Variants in MAT2B observed in about 807,000 individuals in gnomAD.
MAT2B encodes methionine adenosyltransferase 2 subunit beta.
In MAT2B, 16 loss-of-function variants were observed where a neutral mutation model predicts 36.1. The ratio of observed to expected loss-of-function variants is 0.44; its 90% CI spans 0.30 to 0.67. MAT2B has a LOEUF of 0.67. Ranked by LOEUF, MAT2B falls within the 30% of genes least tolerant of loss-of-function variation. MAT2B has a pLI of 0.09. For missense variants in MAT2B, 332 were observed against 398.2 expected (o/e 0.83, Z 1.42); for synonymous variants, 148 against 136.9 (o/e 1.08, Z -0.57).
Position 163,518,275 on chromosome 5 carries a change from G to C in MAT2B, c.917G>C (p.Gly306Ala), listed in dbSNP as rs1760164592. 2 of 1,613,910 alleles carry C rather than the reference G, an allele frequency of 1.2e-6. No individual in the cohort carries two copies. Among genetic ancestry groups the C allele is most frequent in the Non-Finnish European group, 1.7e-6 (2 of 1,179,870 alleles). The stretch of plus-strand genomic sequence containing the variant: ...TCCAAATTGGAGACCTTGGGCATTG[G>C]CCAACGAACACCATTTCGAATTGGA... ...DCSKLETLGI[G>A]QRTPFRIGIK... Residue 306 changes from glycine (G) to alanine (A), a missense_variant, in exon 7 of 7, where the codon GGC becomes GCC. Coordinates refer to ENST00000321757, the MANE Select transcript of MAT2B (RefSeq NM_013283.5).
upstream of MAT2B, chr5:163,505,512 T>G: frequency 3.2e-6 from 4 of 1,238,520 alleles, no homozygotes; most frequent in Admixed American, 4.2e-5. Flanking sequence ...TTCTGGGGCG[T>G]CGGCGGAGCG....
chr5:163,507,160 G>A (rs1759961357), intron 1 of MAT2B, among the ~76,000 whole-genome samples: 1 of 152,302 alleles, frequency 6.6e-6, no homozygotes, highest in South Asian at 2.1e-4. Context: ...TTCCAAAAAC[G>A]ACAAGGTATT....
chr5:163,511,725 G>GT (rs1256906504), intron 1 of MAT2B, among the ~76,000 whole-genome samples: 7 of 151,686 alleles, frequency 4.6e-5, no homozygotes, highest in Non-Finnish European at 7.4e-5. Flanking sequence ...TATTTTTACT[G>GT]TTTTTTTGTA....
intron 4 of MAT2B, among the ~76,000 whole-genome samples, chr5:163,515,400 A>G (rs1280160771): frequency 6.6e-6 from 1 of 152,194 alleles, no homozygotes; most frequent in Admixed American, 6.5e-5. Context: ...TTTGTTTTAT[A>G]TGTTTGCTTT....
chr5:163,512,577 A>G lies in MAT2B; in HGVS notation c.258+381A>G, dbSNP rs528035521. On this transcript the variant is annotated intron_variant, in intron 2 of 6. Transcript: ENST00000321757. ...TATCATTGATACTATTCTCCCTTTG[A>G]CATGGATTTATTAGATATTTAAATC... is the stretch of plus-strand genomic sequence containing the variant. 1.3e-5 allele frequency: 5 copies of G among 389,848 alleles called. No homozygotes were observed. The East Asian group carries it at 2.9e-4, about 23-fold the overall frequency. The allele number at this position is 389,848 out of a possible 1,614,324, so 24.1% of individuals were successfully genotyped here.
intron 1 of MAT2B, among the ~76,000 whole-genome samples, chr5:163,507,814 C>T (rs1759970407): frequency 6.6e-6 from 1 of 152,148 alleles, no homozygotes; most frequent in South Asian, 2.1e-4. Context: ...ATTTGTTTGG[C>T]ATATTTTAAA....
chr5:163,503,420 A>G (rs776039678), upstream of MAT2B: 97 of 1,613,780 alleles, frequency 6.0e-5, no homozygotes, highest in Non-Finnish European at 8.1e-5. Context: ...GAGGACATGG[A>G]GCAGGTAAGA....
Position 163,513,974 on chromosome 5 carries a change from C to T in MAT2B, c.506C>T (p.Ala169Val). The change falls in exon 4 of 7, where the codon GCT (alanine) becomes GTT (valine). Residue 169 changes from alanine to valine, a missense_variant. Physicochemically the swap from Ala to Val is moderately conservative, Grantham distance 64. Coordinates refer to ENST00000321757, the MANE Select transcript of MAT2B (RefSeq NM_013283.5). ...AAAACAAAATTAGATGGAGAAAAGGCTGTCCTGGAGAACAATCTAGGTAAG... is the reference window on the plus strand; with the variant it reads ...AAAACAAAATTAGATGGAGAAAAGGTTGTCCTGGAGAACAATCTAGGTAAG... ...YGKTKLDGEK[A>V]VLENNLGAAV... The T allele has an allele frequency of 6.2e-7, 1 of 1,613,304 alleles. No homozygotes were observed. The highest frequency in any genetic ancestry group is 8.5e-7 in the Non-Finnish European group (1 of 1,179,640).
chr5:163,516,725 C>A lies in MAT2B; in HGVS notation c.720+14C>A. The A allele has an allele frequency of 6.2e-7, 1 of 1,613,872 alleles. No homozygotes were observed. Among genetic ancestry groups the A allele is most frequent in the South Asian group, 1.1e-5 (1 of 91,078 alleles). On this transcript the variant is annotated intron_variant, in intron 5 of 6. Coordinates refer to ENST00000321757, the MANE Select transcript of MAT2B (RefSeq NM_013283.5). Reference sequence around the variant, plus strand: ...AAGAGAATGCTGGTAAGAAGGATTCCTGAGTCCTGTCTTAGCGAAGGTCCG... The same window carrying A: ...AAGAGAATGCTGGTAAGAAGGATTCATGAGTCCTGTCTTAGCGAAGGTCCG...
chr5:163,513,830 CT>C lies in MAT2B; in HGVS notation c.374-5del. ...TGTAAACATTTAATAGATTTGTCTTCTTTTTTTGTAGCTGCTGTTGGAGCAT... is the reference window on the plus strand; with the variant it reads ...TGTAAACATTTAATAGATTTGTCTTCTTTTTTGTAGCTGCTGTTGGAGCAT... On this transcript the variant is annotated splice_polypyrimidine_tract_variant and intron_variant, in intron 3 of 6. Coordinates refer to ENST00000321757, the MANE Select transcript of MAT2B (RefSeq NM_013283.5). 2 of 1,601,304 alleles carry C rather than the reference CT, an allele frequency of 1.2e-6. No individual in the cohort carries two copies. The highest frequency in any genetic ancestry group is 2.3e-5 in the South Asian group (2 of 88,480).
At position 163,513,824 on chromosome 5, in the gene MAT2B, T is replaced by G; in HGVS notation, c.374-18T>G. 1 of 1,600,262 alleles carries G rather than the reference T, an allele frequency of 6.2e-7. No individual in the cohort carries two copies. The highest frequency in any genetic ancestry group is 8.5e-7 in the Non-Finnish European group (1 of 1,173,846). On this transcript the variant is annotated intron_variant, in intron 3 of 6. Transcript: ENST00000321757. ...ATGTCATGTAAACATTTAATAGATT[T>G]GTCTTCTTTTTTTGTAGCTGCTGTT...
upstream of MAT2B, chr5:163,505,430 G>A (rs1759910105): frequency 1.2e-6 from 1 of 840,170 alleles, no homozygotes; most frequent in Non-Finnish European, 1.6e-6. Flanking sequence ...CCTAAGGTCA[G>A]GGCCTTTCTT....
At position 163,512,227 on chromosome 5, in the gene MAT2B, G is replaced by C. The variant is rs369992014; in HGVS notation, c.258+31G>C. 3.3e-6 allele frequency: 5 copies of C among 1,530,572 alleles called. No homozygotes were observed. The Admixed American group carries it at 5.0e-5, about 15-fold the overall frequency. 94.8% of individuals were successfully genotyped at this position (1,530,572 alleles called of 1,614,324 possible). ...ATTTAGGTTATTTTAAGATATACATGAACAATATTAAGAGTTGTCTGGATG... is the reference window on the plus strand; with the variant it reads ...ATTTAGGTTATTTTAAGATATACATCAACAATATTAAGAGTTGTCTGGATG... On this transcript the variant is annotated intron_variant, in intron 2 of 6. Transcript: ENST00000321757.
chr5:163,518,218 C>T lies in MAT2B; in HGVS notation c.860C>T (p.Ala287Val). 6.2e-7 allele frequency: 1 copy of T among 1,611,426 alleles called. No individual in the cohort carries two copies. Among genetic ancestry groups the T allele is most frequent in the Non-Finnish European group, 8.5e-7 (1 of 1,179,110 alleles). Residue 287 changes from alanine (A) to valine (V), a missense_variant, in exon 7 of 7, where the codon GCA becomes GTA. By Grantham distance (64) the Ala-to-Val change is moderately conservative. Coordinates refer to ENST00000321757, the MANE Select transcript of MAT2B (RefSeq NM_013283.5). The part of the protein sequence containing the change: ...RPITDSPVLG[A>V]QRPRNAQLDC... Reference sequence around the variant, plus strand: ...ATTACTGACAGCCCTGTCCTAGGAGCACAACGTCCGAGAAATGCTCAGCTT... The same window carrying T: ...ATTACTGACAGCCCTGTCCTAGGAGTACAACGTCCGAGAAATGCTCAGCTT...
rs757908164 is a variant in MAT2B, at chr5:163,518,739, T to C, written c.*376T>C. ...GAAGCTGTTGACCTTTTCATGTTGA[T>C]TATTTTAAATTGTGTGAAATAGTAT... On this transcript the variant is annotated 3_prime_UTR_variant, in exon 7 of 7. Transcript: ENST00000321757. 84 of 156,358 alleles carry C rather than the reference T, an allele frequency of 5.4e-4. No homozygotes were observed. Among genetic ancestry groups the C allele is most frequent in the Non-Finnish European group, 9.1e-4 (64 of 70,708 alleles). The allele number at this position is 156,358 out of a possible 1,614,324, so 9.7% of individuals were successfully genotyped here. A position where few individuals can be genotyped will look rare whatever the true frequency, so the allele number is the denominator to read the frequency against.
In MAT2B at chr5:163,517,653, C is replaced by T; in HGVS notation, c.813C>T (p.Leu271=). Residue 271 remains leucine (L), a synonymous_variant, in exon 6 of 7, where the codon CTC becomes CTT. Transcript: ENST00000321757. ...GTGCAATTGCAGATGCCTTCAACCT[C>T]CCCAGCAGTCACTTAAGACCTGTAA... The part of the protein sequence containing the change: ...MACAIADAFN[L]PSSHLRPITD... The T allele has an allele frequency of 1.2e-6, 2 of 1,612,362 alleles. No homozygotes were observed. Among genetic ancestry groups the T allele is most frequent in the Non-Finnish European group, 1.7e-6 (2 of 1,178,442 alleles).
At chr5:163,511,516 C>G (rs1022137651) in intron 1 of MAT2B, among the ~76,000 whole-genome samples, 1 of 135,788 alleles carries the variant, frequency 7.4e-6, no homozygotes, top group African/African-American at 2.8e-5. Flanking sequence ...CTCCTGGGCT[C>G]AAGTGATCCA....
intron 1 of MAT2B, among the ~76,000 whole-genome samples, chr5:163,511,084 T>C (rs2113554759): frequency 6.6e-6 from 1 of 152,302 alleles, no homozygotes; most frequent in South Asian, 2.1e-4. Context: ...TGTAATGTTG[T>C]TATTTACTAT....
intron 1 of MAT2B, among the ~76,000 whole-genome samples, chr5:163,508,724 T>C (rs957249005): frequency 6.6e-6 from 1 of 152,090 alleles, no homozygotes; most frequent in South Asian, 2.1e-4. Flanking sequence ...TTCGAGCGAT[T>C]CTCCTGCCTC....
Sources: gnomAD v4.1 joint callset for allele counts (sites outside exome capture counted in the v4.1 genomes callset) on GRCh38, gnomAD v4.1.1 for gene constraint, MANE v1.5 for transcripts, NCBI Gene and HGNC (gene_info 2026-07-23, HGNC 2026-07-21) for gene names.